MOGAT1: variants seen among roughly 807,000 people sequenced by gnomAD.
MOGAT1 encodes the protein monoacylglycerol O-acyltransferase 1, also known as 2-acylglycerol O-acyltransferase 1.
In MOGAT1, 32 loss-of-function variants were observed where a neutral mutation model predicts 31.4. The ratio of observed to expected loss-of-function variants is 1.02; its 90% CI spans 0.77 to 1.37. The LOEUF (loss-of-function observed/expected upper bound fraction) is 1.37, where lower values mean the gene tolerates loss of function less well. Ranked by LOEUF, MOGAT1 falls within the 40% of genes most tolerant of loss-of-function variation. The pLI is 0.00. For synonymous variants in MOGAT1, 145 were observed against 144.5 expected, an observed-to-expected ratio of 1.00 and a Z score of -0.03; for missense variants, 426 against 402.0, an observed-to-expected ratio of 1.06 and a Z score of -0.51.
At chr2:222,684,142 G>T (rs1692626414) in intron 1 of MOGAT1, among the ~76,000 whole-genome samples, 1 of 152,160 alleles carries the variant, frequency 6.6e-6, no homozygotes, top group Non-Finnish European at 1.5e-5. Flanking sequence ...AGTGGCTCAT[G>T]CCTGTAATCC....
In MOGAT1 at chr2:222,709,870, G is replaced by GA. The variant is rs1435294157; in HGVS notation, c.989dup (p.Thr331AspfsTer8). On this transcript the variant is annotated frameshift_variant, in exon 6 of 6. Transcript: ENST00000446656. LOFTEE classifies it high-confidence loss of function. ...AGGAAAGTATGGCATTCCAGAGCACGAGACTCTTGTTTTAAAATGACTTGA... is the reference window on the plus strand; with the variant it reads ...AGGAAAGTATGGCATTCCAGAGCACGAAGACTCTTGTTTTAAAATGACTTGA... The GA allele has an allele frequency of 3.1e-6, 5 of 1,604,586 alleles. No individual in the cohort carries two copies. Among genetic ancestry groups the GA allele is most frequent in the Non-Finnish European group, 4.3e-6 (5 of 1,176,308 alleles).
chr2:222,705,330 C>T (rs1692989808), intron 5 of MOGAT1, among the ~76,000 whole-genome samples: 1 of 152,182 alleles, frequency 6.6e-6, no homozygotes, highest in African/African-American at 2.4e-5. Context: ...ATGCCTTAAC[C>T]ATCTGGGAAT....
At position 222,671,853 on chromosome 2, in the gene MOGAT1, A is replaced by G. The variant is rs1277961156; in HGVS notation, c.68A>G (p.Gln23Arg). Residue 23 changes from glutamine to arginine, a missense_variant, in exon 1 of 6, where the codon CAG becomes CGG. Coordinates refer to ENST00000446656, the MANE Select transcript of MOGAT1 (RefSeq NM_058165.3). ...ARRLQTVAVL[Q>R]WVLKYLLLGP... Reference sequence around the variant, plus strand: ...CGGCTGCAGACGGTGGCCGTGCTGCAGTGGGTCCTGAAATACCTGCTGCTC... The same window carrying G: ...CGGCTGCAGACGGTGGCCGTGCTGCGGTGGGTCCTGAAATACCTGCTGCTC... 2 of 1,552,172 alleles carry G rather than the reference A, an allele frequency of 1.3e-6. No individual in the cohort carries two copies.
intron 1 of MOGAT1, among the ~76,000 whole-genome samples, chr2:222,681,414 A>G (rs1559228618): frequency 6.6e-6 from 1 of 152,208 alleles, no homozygotes; most frequent in Non-Finnish European, 1.5e-5. Context: ...TATAATGGAT[A>G]TGATAAATGA....
intron 5 of MOGAT1, among the ~76,000 whole-genome samples, chr2:222,702,780 C>G (rs954246955): frequency 4.0e-5 from 6 of 150,584 alleles, no homozygotes; most frequent in Non-Finnish European, 8.9e-5. Flanking sequence ...GCAGTCACTC[C>G]AGCCATGCAC....
intron 1 of MOGAT1, among the ~76,000 whole-genome samples, chr2:222,682,208 C>T (rs1692591720): frequency 6.6e-6 from 1 of 152,168 alleles, no homozygotes; most frequent in South Asian, 2.1e-4. Flanking sequence ...AACATCATAA[C>T]ACTTCATCTC....
At chr2:222,701,314 GAGAGAGAGAGAGAGAT>G (rs1188293777) in intron 5 of MOGAT1, among the ~76,000 whole-genome samples, 3 of 148,030 alleles carry the variant, frequency 2.0e-5, no homozygotes, top group South Asian at 2.1e-4. Flanking sequence ...GAGAGAGAGA[GAGAGAGAGAGAGAGAT>G]AAAAGGAATT....
chr2:222,706,613 T>C (rs921582580), intron 5 of MOGAT1, among the ~76,000 whole-genome samples: 1 of 152,174 alleles, frequency 6.6e-6, no homozygotes, highest in Non-Finnish European at 1.5e-5. Context: ...GAAGACTCAC[T>C]AATTCAGAAT....
intron 5 of MOGAT1, among the ~76,000 whole-genome samples, chr2:222,707,979 A>G (rs536338615): frequency 6.6e-6 from 1 of 152,286 alleles, no homozygotes; most frequent in African/African-American, 2.4e-5. Flanking sequence ...GGTCCCATTC[A>G]TTACCTAGAG....
At chr2:222,700,584 C>T (rs1400972902) in intron 5 of MOGAT1, among the ~76,000 whole-genome samples, 1 of 152,134 alleles carries the variant, frequency 6.6e-6, no homozygotes, top group Non-Finnish European at 1.5e-5. Flanking sequence ...TAAAGACTGA[C>T]CTGCTATGAT....
intron 5 of MOGAT1, among the ~76,000 whole-genome samples, chr2:222,695,661 G>T (rs1341380832): frequency 6.6e-6 from 1 of 152,050 alleles, no homozygotes; most frequent in Non-Finnish European, 1.5e-5. Flanking sequence ...TATGATAAGT[G>T]TCCTCATTAT....
intron 2 of MOGAT1, 136 bp from the exon 3 acceptor site, chr2:222,689,129 C>A: frequency 1.3e-6 from 1 of 743,822 alleles, no homozygotes; most frequent in Non-Finnish European, 2.1e-6. Flanking sequence ...AATTTGGAAA[C>A]AGCTCCAACC....
chr2:222,676,217 G>T (rs1692495885), intron 1 of MOGAT1, among the ~76,000 whole-genome samples: 1 of 150,048 alleles, frequency 6.7e-6, no homozygotes, highest in South Asian at 2.1e-4. Context: ...GAACCCCTTG[G>T]CTCAAGGGAT....
intron 3 of MOGAT1, among the ~76,000 whole-genome samples, chr2:222,693,822 C>T (rs1384204774): frequency 1.3e-5 from 2 of 152,114 alleles, no homozygotes; most frequent in African/African-American, 4.8e-5. Flanking sequence ...GGTGGGGGCA[C>T]AGTCAAACGA....
At chr2:222,680,575 T>C (rs1230385172) in intron 1 of MOGAT1, among the ~76,000 whole-genome samples, 1 of 152,132 alleles carries the variant, frequency 6.6e-6, no homozygotes, top group Non-Finnish European at 1.5e-5. Context: ...AATAGAAATT[T>C]TTAAAATCAG....
intron 3 of MOGAT1, among the ~76,000 whole-genome samples, chr2:222,692,398 A>C (rs536090675): frequency 3.3e-5 from 5 of 152,340 alleles, no homozygotes; most frequent in African/African-American, 1.2e-4. Context: ...AAATGCTTTT[A>C]AATGAATGAA....
At chr2:222,688,543 A>T in intron 2 of MOGAT1, 21 bp downstream of exon 2, 1 of 1,557,004 alleles carries the variant, frequency 6.4e-7, no homozygotes, top group South Asian at 1.2e-5. Context: ...TTGTTTTATA[A>T]AGTATTATTT....
intron 1 of MOGAT1, among the ~76,000 whole-genome samples, chr2:222,673,209 G>C (rs896196203): frequency 2.7e-5 from 4 of 150,280 alleles, no homozygotes; most frequent in African/African-American, 9.8e-5. Context: ...CACCGCGCCC[G>C]GCTCATCCCT....
intron 5 of MOGAT1, among the ~76,000 whole-genome samples, chr2:222,702,945 G>C (rs1692948009): frequency 6.6e-6 from 1 of 152,082 alleles, no homozygotes. Context: ...AAATTAAAGA[G>C]ATTAAAGGAA....
Sources: gnomAD v4.1 joint callset for allele counts (sites outside exome capture counted in the v4.1 genomes callset) on GRCh38, gnomAD v4.1.1 for gene constraint, MANE v1.5 for transcripts, NCBI Gene and HGNC (gene_info 2026-07-23, HGNC 2026-07-21) for gene names.